The following PKN3 variants were observed in gnomAD, a reference collection of about 807,000 sequenced individuals.
The protein encoded by PKN3 is protein kinase N3.
In PKN3, 91 loss-of-function variants were observed where a neutral mutation model predicts 113.1. That is an observed-to-expected ratio of 0.80 (90% confidence interval 0.68 to 0.96). PKN3 has a LOEUF of 0.96. PKN3 is among the 40% of genes least tolerant of loss of function. PKN3 has a pLI of 0.00. For synonymous variants in PKN3, 467 were observed against 499.0 expected (o/e 0.94, Z 0.85); for missense variants, 1,052 against 1,202.2 (o/e 0.88, Z 1.85).
chr9:128,718,832 C>T (rs1862422603), intron 18 of PKN3, among the ~76,000 whole-genome samples: 1 of 151,918 alleles, frequency 6.6e-6, no homozygotes, highest in Non-Finnish European at 1.5e-5. Context: ...CTGCACCTGG[C>T]CCAAGGGAGA....
rs756902558 is a variant in PKN3, at chr9:128,720,542, C to T, written c.2606C>T (p.Thr869Ile). 5.6e-6 allele frequency: 9 copies of T among 1,613,578 alleles called. No individual in the cohort carries two copies. Among genetic ancestry groups the T allele is most frequent in the Admixed American group, 3.3e-5 (2 of 60,026 alleles). ...CCACCTGCACCCCACAGCCTCCTCA[C>T]TGCCCGCCAACAGGCCGCCTTCCGG... Reference protein sequence around the residue: ...LTPPAPHSLLTARQQAAFRDF... With the variant: ...LTPPAPHSLLIARQQAAFRDF... The change falls in exon 22 of 22, where the codon ACT (threonine) becomes ATT (isoleucine). Residue 869 changes from threonine to isoleucine, a missense_variant. Coordinates refer to ENST00000291906, the MANE Select transcript of PKN3 (RefSeq NM_013355.5). This position sits in a 1 kb window ranked among gnomAD's most constrained non-coding sequence, Gnocchi z 5.5.
chr9:128,705,873 C>G lies in PKN3; in HGVS notation c.405C>G (p.Thr135=). The G allele has an allele frequency of 6.3e-7, 1 of 1,592,806 alleles. No homozygotes were observed. Among genetic ancestry groups the G allele is most frequent in the Non-Finnish European group, 8.6e-7 (1 of 1,166,772 alleles). The change falls in exon 3 of 22, where the codon ACC becomes ACG. Residue 135 remains threonine (T), a synonymous_variant. Coordinates refer to ENST00000291906, the MANE Select transcript of PKN3 (RefSeq NM_013355.5). ...TGACCCACACGTGCGCCAGTGGCAC[C>G]CCCAAGGTAAGGCCCCACAGTCTGA... The part of the protein sequence containing the change: ...ENMTHTCASG[T]PKERKLLAAA...
intron 15 of PKN3, among the ~76,000 whole-genome samples, chr9:128,716,032 C>T (rs1862327305): frequency 6.7e-6 from 1 of 149,948 alleles, no homozygotes; most frequent in African/African-American, 2.5e-5. Flanking sequence ...GGAGGCTGGG[C>T]ACAGTGGCTC....
intron 6 of PKN3, among the ~76,000 whole-genome samples, chr9:128,708,577 G>A (rs1414686270): frequency 6.6e-6 from 1 of 152,024 alleles, no homozygotes; most frequent in East Asian, 1.9e-4. Flanking sequence ...GGGCACAGTG[G>A]CTCAAGCCTG....
At chr9:128,711,736 T>C (rs1862183810) in intron 6 of PKN3, among the ~76,000 whole-genome samples, 1 of 150,986 alleles carries the variant, frequency 6.6e-6, no homozygotes, top group Admixed American at 6.6e-5. Context: ...GTAGTTGGGA[T>C]TACAGGCGCC....
intron 6 of PKN3, among the ~76,000 whole-genome samples, chr9:128,708,068 C>T (rs1422304185): frequency 2.0e-4 from 11 of 55,208 alleles, no homozygotes; most frequent in South Asian, 1.1e-3. Context: ...AAGACGCCGT[C>T]GCAAAAAAAA....
At chr9:128,707,437 T>C in intron 6 of PKN3, 32 bp downstream of exon 6, 1 of 1,550,912 alleles carries the variant, frequency 6.4e-7, no homozygotes, top group Non-Finnish European at 8.8e-7. Flanking sequence ...TTCAAAGCTC[T>C]CCTTCTTTTT....
At position 128,702,578 on chromosome 9, in the gene PKN3, C is replaced by T. The variant is rs552864559; in HGVS notation, c.-338C>T. 7.0e-4 allele frequency: 209 copies of T among 299,376 alleles called. No homozygotes were observed. The highest frequency in any genetic ancestry group is 1.0e-3 in the Non-Finnish European group (170 of 163,956). 18.5% of individuals were successfully genotyped at this position (299,376 alleles called of 1,614,324 possible). On this transcript the variant is annotated 5_prime_UTR_variant, in exon 1 of 22. Coordinates refer to ENST00000291906, the MANE Select transcript of PKN3 (RefSeq NM_013355.5). ...AGAGGACCTGGGCGCGGGCGATGTG[C>T]CTCCTGAGCGTCCAAACCGGGGGTG...
rs765467583 is a variant in PKN3, at chr9:128,715,733, G to A, written c.1808+273G>A. 6.6e-6 allele frequency among the ~76,000 whole-genome samples: 1 copy of A among 152,160 alleles called. No individual in the cohort carries two copies. Among genetic ancestry groups the A allele is most frequent in the African/African-American group, 2.4e-5 (1 of 41,432 alleles). On this transcript the variant is annotated intron_variant, in intron 15 of 21. Coordinates refer to ENST00000291906, the MANE Select transcript of PKN3 (RefSeq NM_013355.5). This position sits in a 1 kb window ranked among gnomAD's most constrained non-coding sequence, Gnocchi z 4.1. Reference sequence around the variant, plus strand: ...GACATATAGAAACCATCACTCTATGGCCAGGCGTGGTAACTCATGCATGTA... The same window carrying A: ...GACATATAGAAACCATCACTCTATGACCAGGCGTGGTAACTCATGCATGTA...
chr9:128,715,322 G>C lies in PKN3; in HGVS notation c.1717-47G>C. 2 of 1,607,826 alleles carry C rather than the reference G, an allele frequency of 1.2e-6. No individual in the cohort carries two copies. The highest frequency in any genetic ancestry group is 4.5e-5 in the East Asian group (2 of 44,842). ...GACCTGATCTGTGGGGGCGGTAAAG[G>C]CTCCCTGGTCTGGCCCACCTGGAGC... is the stretch of plus-strand genomic sequence containing the variant. On this transcript the variant is annotated intron_variant, in intron 14 of 21. Transcript: ENST00000291906. This position sits in a 1 kb window ranked among gnomAD's most constrained non-coding sequence, Gnocchi z 4.1.
At chr9:128,711,952 C>A (rs774788266) in intron 6 of PKN3, among the ~76,000 whole-genome samples, 6 of 151,446 alleles carry the variant, frequency 4.0e-5, no homozygotes, top group Non-Finnish European at 8.8e-5. Context: ...CTCTGTCGCC[C>A]AGGCTGGAGT....
intron 6 of PKN3, among the ~76,000 whole-genome samples, chr9:128,712,211 A>T (rs1003677813): frequency 6.6e-6 from 1 of 151,956 alleles, no homozygotes; most frequent in African/African-American, 2.4e-5. Flanking sequence ...CGCCCGGCCG[A>T]GCTGTTCTTT....
At chr9:128,714,998 C>A in intron 13 of PKN3, 133 bp downstream of exon 13, 1 of 1,074,946 alleles carries the variant, frequency 9.3e-7, no homozygotes, top group Non-Finnish European at 1.4e-6. Flanking sequence ...ATTTACTAAA[C>A]CCACATTATT....
At chr9:128,717,482 C>A (rs570485630) in intron 16 of PKN3, among the ~76,000 whole-genome samples, 1 of 151,218 alleles carries the variant, frequency 6.6e-6, no homozygotes, top group Non-Finnish European at 1.5e-5. Flanking sequence ...CCTGTAATCC[C>A]AGCACTTTGG....
chr9:128,711,305 C>A (rs2132305024), intron 6 of PKN3, among the ~76,000 whole-genome samples: 1 of 150,284 alleles, frequency 6.7e-6, no homozygotes, highest in Non-Finnish European at 1.5e-5. Flanking sequence ...CTCGCCCCAC[C>A]TCTTTTTTTT....
At chr9:128,714,983 G>A (rs1388856432) in intron 13 of PKN3, 118 bp downstream of exon 13, 8 of 1,127,256 alleles carry the variant, frequency 7.1e-6, no homozygotes, top group East Asian at 4.7e-5. Context: ...GGCTCTCGGG[G>A]TCTGATTTAC....
chr9:128,703,394 C>G, intron 1 of PKN3: 1 of 985,424 alleles, frequency 1.0e-6, no homozygotes, highest in Non-Finnish European at 1.2e-6. Flanking sequence ...GGAGTCCTTC[C>G]CGGAGCACAG....
chr9:128,705,907 G>C (rs1589476242), intron 3 of PKN3, 28 bp downstream of exon 3: 1 of 1,552,728 alleles, frequency 6.4e-7, no homozygotes, highest in Non-Finnish European at 8.7e-7. Context: ...GATGGCAGGA[G>C]CACCCTGGCC....
Position 128,705,722 on chromosome 9 carries a change from C to T in PKN3, c.266-12C>T, listed in dbSNP as rs1276522120. On this transcript the variant is annotated splice_polypyrimidine_tract_variant and intron_variant, in intron 2 of 21. Coordinates refer to ENST00000291906, the MANE Select transcript of PKN3 (RefSeq NM_013355.5). ...GGTGAGGGACTCCTGTGCTCGATAC[C>T]CCCGTGCACAGAGCCTGTGGCCTCA... 3.8e-6 allele frequency: 6 copies of T among 1,597,330 alleles called. No homozygotes were observed. The highest frequency in any genetic ancestry group is 2.7e-5 in the African/African-American group (2 of 74,558).
Sources: allele counts gnomAD v4.1 joint callset (sites outside exome capture counted in the v4.1 genomes callset), GRCh38; gene constraint gnomAD v4.1.1; non-coding constraint Gnocchi (gnomAD v3.1); transcripts MANE v1.5; gene names NCBI Gene and HGNC (gene_info 2026-07-23, HGNC 2026-07-21).